Variants in PCDHGB3 observed in about 807,000 individuals in gnomAD.
PCDHGB3 encodes the protein protocadherin gamma subfamily B, 3, also known as protocadherin gamma-B3.
Under a neutral mutation model 59.2 loss-of-function variants are expected in PCDHGB3, and 40 were observed. The ratio of observed to expected loss-of-function variants is 0.68; its 90% CI spans 0.52 to 0.88. The LOEUF (loss-of-function observed/expected upper bound fraction) is 0.88, where lower values mean the gene tolerates loss of function less well. Ranked by LOEUF, PCDHGB3 falls within the 40% of genes least tolerant of loss-of-function variation. The probability of loss-of-function intolerance (pLI) is 0.00; values close to 1 mark genes in which losing one functional copy is unlikely to be tolerated. For missense variants in PCDHGB3, 1,309 were observed against 1,187.9 expected (o/e 1.10, Z -1.50); for synonymous variants, 581 against 503.6 (o/e 1.15, Z -2.06).
At chr5:141,492,256 A>G (rs1323720621) in intron 1 of PCDHGB3, among the ~76,000 whole-genome samples, 1 of 151,974 alleles carries the variant, frequency 6.6e-6, no homozygotes, top group Non-Finnish European at 1.5e-5. Context: ...CGGCCCACAC[A>G]AGTTGCACGG....
intron 1 of PCDHGB3, chr5:141,413,285 A>G: frequency 1.9e-6 from 3 of 1,613,892 alleles, no homozygotes; most frequent in Non-Finnish European, 2.5e-6. Flanking sequence ...CAGATCTCCT[A>G]CTCAATTCCT....
Position 141,476,129 on chromosome 5 carries a change from G to T in PCDHGB3, c.2416-18678G>T, listed in dbSNP as rs2099385585. 6.2e-7 allele frequency: 1 copy of T among 1,606,848 alleles called. No homozygotes were observed. The highest frequency in any genetic ancestry group is 1.3e-5 in the African/African-American group (1 of 75,000). On this transcript the variant is annotated intron_variant, in intron 1 of 3. Transcript: ENST00000576222. The surrounding 1 kb of genome is among the most constrained non-coding windows in gnomAD (Gnocchi z 7.6). ...GCTTTTGAGTGAGATGGTCCCAGAG[G>T]CCTGGAGGAGCGGACTGGTAAGCAC...
intron 1 of PCDHGB3, chr5:141,433,208 C>CT (rs745329085): frequency 0.022 from 27,155 of 1,216,152 alleles, no homozygotes; most frequent in Non-Finnish European, 0.026. Flanking sequence ...AATCTTCTTT[C>CT]TTTTTTTTTT....
intron 1 of PCDHGB3, chr5:141,378,193 TA>T (rs376966694): frequency 7.2e-5 from 11 of 152,366 alleles, no homozygotes; most frequent in Middle Eastern, 3.4e-3. Context: ...GTGTGCCTAC[TA>T]CAGTGTCTTT....
At position 141,511,436 on chromosome 5, in the gene PCDHGB3, T is replaced by C. The variant is rs1371734719; in HGVS notation, c.*263T>C. The C allele has an allele frequency of 1.5e-5, 11 of 718,486 alleles. No individual in the cohort carries two copies. The highest frequency in any genetic ancestry group is 2.2e-5 in the Non-Finnish European group (10 of 461,474). The allele number at this position is 718,486 out of a possible 1,614,324, so 44.5% of individuals were successfully genotyped here. The stretch of plus-strand genomic sequence containing the variant: ...ACCCATGGGGGTAGTGGGGTTACTG[T>C]AGACACCAAGAACCATTTGCCACAC... On this transcript the variant is annotated 3_prime_UTR_variant, in exon 4 of 4. Coordinates refer to ENST00000576222, the MANE Select transcript of PCDHGB3 (RefSeq NM_018924.5).
intron 1 of PCDHGB3, among the ~76,000 whole-genome samples, chr5:141,436,320 G>A (rs1158221950): frequency 6.6e-6 from 1 of 152,120 alleles, no homozygotes; most frequent in African/African-American, 2.4e-5. Flanking sequence ...AGTCAAGACT[G>A]TTAGACCATA....
intron 1 of PCDHGB3, chr5:141,423,301 C>T (rs1489674947): frequency 1.9e-6 from 3 of 1,614,150 alleles, no homozygotes; most frequent in East Asian, 4.5e-5. Flanking sequence ...AGACCTCTCG[C>T]TGTACTTGGT....
rs2097718776 is a variant in PCDHGB3, at chr5:141,434,813, T to C, written c.2416-59994T>C. On this transcript the variant is annotated intron_variant, in intron 1 of 3. Coordinates refer to ENST00000576222, the MANE Select transcript of PCDHGB3 (RefSeq NM_018924.5). ...TTTTTTCTGAGCTTGGAGAAATATA[T>C]CCCTTAGTACACTTGGCATTTATAA... Among the ~76,000 whole-genome samples, 5 of 151,962 alleles carry C rather than the reference T, an allele frequency of 3.3e-5. No individual in the cohort carries two copies. In the South Asian group the frequency reaches 1.0e-3, roughly 32 times the overall value.
rs1414210927 is a variant in PCDHGB3, at chr5:141,477,460, C to G, written c.2416-17347C>G. 1.9e-6 allele frequency: 3 copies of G among 1,614,014 alleles called. No homozygotes were observed. The highest frequency in any genetic ancestry group is 2.5e-6 in the Non-Finnish European group (3 of 1,180,028). On this transcript the variant is annotated intron_variant, in intron 1 of 3. Transcript: ENST00000576222. The surrounding 1 kb of genome is among the most constrained non-coding windows in gnomAD (Gnocchi z 4.9). ...TTACAATAGTGCGTGTTCAAGTGTC[C>G]GACATCAATGACAACCCTCCACAAT...
intron 1 of PCDHGB3, among the ~76,000 whole-genome samples, chr5:141,443,728 C>A (rs1434984241): frequency 1.3e-5 from 2 of 152,060 alleles, no homozygotes; most frequent in African/African-American, 2.4e-5. Flanking sequence ...ATTCCTCATA[C>A]ATTTCCCTAT....
At chr5:141,448,058 C>G (rs2098560499) in intron 1 of PCDHGB3, among the ~76,000 whole-genome samples, 2 of 151,936 alleles carry the variant, frequency 1.3e-5, no homozygotes, top group Non-Finnish European at 2.9e-5. Flanking sequence ...TGCTCTCCAG[C>G]CTGGGCAACA....
intron 1 of PCDHGB3, among the ~76,000 whole-genome samples, chr5:141,448,614 A>G (rs985924011): frequency 1.3e-5 from 2 of 152,070 alleles, no homozygotes; most frequent in East Asian, 1.9e-4. Flanking sequence ...ACCACTTTAT[A>G]TCTTCCTTTC....
chr5:141,391,648 C>T (rs760508987), intron 1 of PCDHGB3: 4 of 152,210 alleles, frequency 2.6e-5, no homozygotes, highest in Non-Finnish European at 5.9e-5. Context: ...AAAAAACTAT[C>T]ATACCAGTCT....
intron 1 of PCDHGB3, chr5:141,430,598 T>G: frequency 1.7e-6 from 1 of 598,568 alleles, no homozygotes; most frequent in Non-Finnish European, 2.6e-6. Context: ...TGCACGCGCC[T>G]GAAGCACAAA....
At chr5:141,450,006 CTTTTTTT>C (rs1554136305) in intron 1 of PCDHGB3, among the ~76,000 whole-genome samples, 12 of 132,986 alleles carry the variant, frequency 9.0e-5, no homozygotes, top group Non-Finnish European at 1.7e-4. Context: ...TGCCATGTCT[CTTTTTTT>C]TTTTTTTTTT....
At chr5:141,379,835 A>G (rs898204627) in intron 1 of PCDHGB3, among the ~76,000 whole-genome samples, 9 of 143,642 alleles carry the variant, frequency 6.3e-5, no homozygotes, top group Non-Finnish European at 3.1e-5. Context: ...AAGCATCAGG[A>G]AAAAAAACTA....
At chr5:141,422,488 A>G in intron 1 of PCDHGB3, 1 of 1,614,000 alleles carries the variant, frequency 6.2e-7, no homozygotes, top group Non-Finnish European at 8.5e-7. Context: ...GAGCTACAAT[A>G]TAACGTTGAC....
chr5:141,397,910 C>T lies in PCDHGB3; in HGVS notation c.2415+25101C>T. 5 of 680,806 alleles carry T rather than the reference C, an allele frequency of 7.3e-6. No individual in the cohort carries two copies. The South Asian group carries it at 8.1e-5, about 11-fold the overall frequency. 42.2% of individuals were successfully genotyped at this position (680,806 alleles called of 1,614,324 possible). On this transcript the variant is annotated intron_variant, in intron 1 of 3. Transcript: ENST00000576222. ...TGGCCAAAGTGCAGAGCTTGGCGCT[C>T]CAGATCTCCTCGCGCAGCCGCAGCG...
intron 1 of PCDHGB3, among the ~76,000 whole-genome samples, chr5:141,445,447 A>G (rs974383838): frequency 3.4e-4 from 51 of 152,222 alleles, no homozygotes; most frequent in Admixed American, 1.3e-3. Flanking sequence ...TGGACTAAGG[A>G]TGCAGCAATG....
Sources: gnomAD v4.1 joint callset for allele counts (sites outside exome capture counted in the v4.1 genomes callset) on GRCh38, gnomAD v4.1.1 for gene constraint, Gnocchi (gnomAD v3.1) non-coding constraint, MANE v1.5 for transcripts, NCBI Gene and HGNC (gene_info 2026-07-23, HGNC 2026-07-21) for gene names.